SLC12A2: variants seen among roughly 807,000 people sequenced by gnomAD.
SLC12A2 encodes Na-K-2Cl cotransporter 1.
In SLC12A2, 67 loss-of-function variants were observed where a neutral mutation model predicts 136.3. The observed-to-expected ratio is 0.49, with a 90% CI of 0.40 to 0.60. The LOEUF is 0.60. Among genes scored for constraint, SLC12A2 ranks in the 20% least tolerant of loss-of-function variants. SLC12A2 has a pLI of 0.00. For missense variants in SLC12A2, 1,322 were observed against 1,534.7 expected (o/e 0.86, Z 2.32); for synonymous variants, 619 against 562.9 (o/e 1.10, Z -1.41).
rs200976095 is a variant in SLC12A2 at position 128,150,060 on chromosome 5, A to G, written c.2069A>G (p.Asn690Ser). 6 of 1,609,494 alleles carry G rather than the reference A, an allele frequency of 3.7e-6. No homozygotes were observed. The highest frequency in any genetic ancestry group is 4.5e-5 in the East Asian group (2 of 44,750). Residue 690 changes from asparagine (N) to serine (S), a missense_variant, in exon 13 of 27, where the codon AAT becomes AGT. Asn to Ser is a conservative substitution (Grantham distance 46). Transcript: ENST00000262461. Reference sequence around the variant, plus strand: ...TTCCTTGCATCATATGCATTGATCAATTTTTCAGTATTCCATGCATCACTT... The same window carrying G: ...TTCCTTGCATCATATGCATTGATCAGTTTTTCAGTATTCCATGCATCACTT... ...NFFLASYALI[N>S]FSVFHASLAK...
rs1389421098 is a variant in SLC12A2 at position 128,187,857 on chromosome 5, A to G, written c.*1226A>G. On this transcript the variant is annotated 3_prime_UTR_variant, in exon 27 of 27. Coordinates refer to ENST00000262461, the MANE Select transcript of SLC12A2 (RefSeq NM_001046.3). ...TAGTCTAGTAAAATTTTGACAGTGC[A>G]TATGTACTGTTACTAAAAGCTTTAT... 1 of 152,616 alleles carries G rather than the reference A, an allele frequency of 6.6e-6. No individual in the cohort carries two copies. Among genetic ancestry groups the G allele is most frequent in the Non-Finnish European group, 1.5e-5 (1 of 68,006 alleles). 9.5% of individuals were successfully genotyped at this position (152,616 alleles called of 1,614,324 possible).
rs528589397 is a variant in SLC12A2, at chr5:128,106,130, C to G, written c.757-6684C>G. Reference sequence around the variant, plus strand: ...ATGCTACTTTTTGAAAGATTATTTTCTGGAATAATACTAAATTTGGTCAGC... The same window carrying G: ...ATGCTACTTTTTGAAAGATTATTTTGTGGAATAATACTAAATTTGGTCAGC... On this transcript the variant is annotated intron_variant, in intron 1 of 26. Transcript: ENST00000262461. Among the ~76,000 whole-genome samples the G allele has an allele frequency of 3.9e-5, 6 of 152,144 alleles. 1 individual carries two copies. In the South Asian group the frequency reaches 1.2e-3, roughly 32 times the overall value.
intron 3 of SLC12A2, 87 bp downstream of exon 3, chr5:128,114,374 A>G (rs538851061): frequency 1.9e-6 from 2 of 1,038,554 alleles, no homozygotes; most frequent in Admixed American, 2.1e-5. Context: ...AAGAAATTAG[A>G]GTCATTTTTA....
chr5:128,104,268 C>A (rs1015897511), intron 1 of SLC12A2, among the ~76,000 whole-genome samples: 1 of 152,120 alleles, frequency 6.6e-6, no homozygotes, highest in African/African-American at 2.4e-5. Flanking sequence ...CCCTCTCTAC[C>A]AGAATAGCCT....
At chr5:128,089,385 C>T (rs991880435) in intron 1 of SLC12A2, among the ~76,000 whole-genome samples, 12 of 151,994 alleles carry the variant, frequency 7.9e-5, no homozygotes, top group Non-Finnish European at 1.5e-4. Flanking sequence ...GGCAAAACAG[C>T]AAGACCCTGT....
At position 128,177,798 on chromosome 5, in the gene SLC12A2, G is replaced by T. The variant is rs563941919; in HGVS notation, c.2977+646G>T. Reference sequence around the variant, plus strand: ...TTCTGCTTTTAAAATTTTGGTGTAGGAGTTTCATGATAGTCATTTGCTTGC... The same window carrying T: ...TTCTGCTTTTAAAATTTTGGTGTAGTAGTTTCATGATAGTCATTTGCTTGC... On this transcript the variant is annotated intron_variant, in intron 21 of 26. Transcript: ENST00000262461. Among the ~76,000 whole-genome samples, 208 of 152,230 alleles carry T rather than the reference G, an allele frequency of 1.4e-3. 1 individual carries two copies. Among genetic ancestry groups the T allele is most frequent in the Non-Finnish European group, 2.3e-3 (153 of 67,994 alleles).
At chr5:128,183,494 T>C (rs1763773910) in intron 24 of SLC12A2, among the ~76,000 whole-genome samples, 1 of 151,964 alleles carries the variant, frequency 6.6e-6, no homozygotes, top group African/African-American at 2.4e-5. Context: ...ATTTGTAAGG[T>C]TGTAATCAGG....
Position 128,187,548 on chromosome 5 carries a change from CA to C in SLC12A2, c.*918del, listed in dbSNP as rs1763907119. 2.0e-5 allele frequency: 3 copies of C among 152,176 alleles called. No individual in the cohort carries two copies. In the South Asian group the frequency reaches 6.2e-4, roughly 32 times the overall value. 9.4% of individuals were successfully genotyped at this position (152,176 alleles called of 1,614,324 possible). ...GGAGGAAATTTAGACAAAACAATGT[CA>C]TTTAGTAGAATATTTCAGTATTTAA... On this transcript the variant is annotated 3_prime_UTR_variant, in exon 27 of 27. Transcript: ENST00000262461.
chr5:128,160,270 A>T (rs1762997339), intron 16 of SLC12A2, among the ~76,000 whole-genome samples: 1 of 152,126 alleles, frequency 6.6e-6, no homozygotes, highest in African/African-American at 2.4e-5. Context: ...GGATAGCATT[A>T]GGTGAAATAC....
chr5:128,129,951 T>C (rs1581093460), intron 4 of SLC12A2, among the ~76,000 whole-genome samples: 2 of 152,172 alleles, frequency 1.3e-5, no homozygotes, highest in African/African-American at 2.4e-5. Flanking sequence ...TTAATATCTT[T>C]GTTTATTCTG....
chr5:128,105,772 C>CT (rs1409059728), intron 1 of SLC12A2, among the ~76,000 whole-genome samples: 1 of 152,158 alleles, frequency 6.6e-6, no homozygotes, highest in African/African-American at 2.4e-5. Context: ...GAGTTTCCAT[C>CT]TTTTTTGTCT....
At chr5:128,113,678 A>AGTGTTTTAGAACATAG (rs1761240558) in intron 2 of SLC12A2, among the ~76,000 whole-genome samples, 1 of 152,188 alleles carries the variant, frequency 6.6e-6, no homozygotes, top group Non-Finnish European at 1.5e-5. Context: ...TTAGAAGACT[A>AGTGTTTTAGAACATAG]TGTTCTATGT....
Position 128,084,254 on chromosome 5 carries a change from GGCGGCGGCA to G in SLC12A2, c.309_317del (p.Ala105_Ala107del), listed in dbSNP as rs775523273. On this transcript the variant is annotated inframe_deletion, in exon 1 of 27. Coordinates refer to ENST00000262461, the MANE Select transcript of SLC12A2 (RefSeq NM_001046.3). The surrounding 1 kb of genome is among the most constrained non-coding windows in gnomAD (Gnocchi z 5.6). ...GGGCCGCTGCTGCGGCGGCGGCGGCGGCGGCGGCAGCGGCGGCGGCTGGTGCTGGGGCGG... is the reference window on the plus strand; with the variant it reads ...GGGCCGCTGCTGCGGCGGCGGCGGCGGCGGCGGCGGCTGGTGCTGGGGCGG... 5 of 1,238,118 alleles carry G rather than the reference GGCGGCGGCA, an allele frequency of 4.0e-6. No homozygotes were observed. Among genetic ancestry groups the G allele is most frequent in the Non-Finnish European group, 5.1e-6 (5 of 987,662 alleles). 76.7% of individuals were successfully genotyped at this position (1,238,118 alleles called of 1,614,324 possible).
intron 17 of SLC12A2, among the ~76,000 whole-genome samples, chr5:128,162,843 C>T (rs1274633641): frequency 6.6e-6 from 1 of 152,186 alleles, no homozygotes; most frequent in East Asian, 1.9e-4. Context: ...TGGCATAGAG[C>T]AAGCTGGTCC....
At chr5:128,171,224 C>T (rs1265098518) in intron 18 of SLC12A2, 1 of 153,260 alleles carries the variant, frequency 6.5e-6, no homozygotes, top group Non-Finnish European at 1.4e-5. Flanking sequence ...TCAGTCTTTT[C>T]AAAAAGAATT....
chr5:128,130,995 A>C, intron 4 of SLC12A2, 72 bp from the exon 5 acceptor site: 1 of 1,441,500 alleles, frequency 6.9e-7, no homozygotes, highest in African/African-American at 1.4e-5. Context: ...TTCATGTATA[A>C]TTAAAGGATA....
chr5:128,174,913 T>C (rs755034084), intron 20 of SLC12A2, among the ~76,000 whole-genome samples: 1 of 152,120 alleles, frequency 6.6e-6, no homozygotes, highest in Non-Finnish European at 1.5e-5. Flanking sequence ...TCTGTGTTTT[T>C]ATTTATAGTT....
Position 128,119,580 on chromosome 5 carries a change from T to C in SLC12A2, c.1048+4899T>C, listed in dbSNP as rs554027201. 1.8e-3 allele frequency among the ~76,000 whole-genome samples: 272 copies of C among 152,332 alleles called. 1 individual carries two copies. Among genetic ancestry groups the C allele is most frequent in the Non-Finnish European group, 2.9e-3 (200 of 68,022 alleles). ...GGCTCTGTTCTGTTCCATTGATCTA[T>C]ATCTCTGTTTTGGTACCAGTACCAT... On this transcript the variant is annotated intron_variant, in intron 4 of 26. Coordinates refer to ENST00000262461, the MANE Select transcript of SLC12A2 (RefSeq NM_001046.3).
At position 128,084,310 on chromosome 5, in the gene SLC12A2, A is replaced by G. The variant is rs375182518; in HGVS notation, c.356A>G (p.Asp119Gly). 42 of 1,526,432 alleles carry G rather than the reference A, an allele frequency of 2.8e-5. No individual in the cohort carries two copies. The highest frequency in any genetic ancestry group is 3.3e-5 in the Non-Finnish European group (38 of 1,142,794). 94.6% of individuals were successfully genotyped at this position (1,526,432 alleles called of 1,614,324 possible). ...AGAGAKQTPA[D>G]GEASGESEPA... ...GCGGGGGCCAAGCAGACCCCCGCGG[A>G]CGGGGAAGCCAGCGGCGAGAGCGAG... Residue 119 changes from aspartate (D) to glycine (G), a missense_variant, in exon 1 of 27, where the codon GAC becomes GGC. Coordinates refer to ENST00000262461, the MANE Select transcript of SLC12A2 (RefSeq NM_001046.3). This position sits in a 1 kb window ranked among gnomAD's most constrained non-coding sequence, Gnocchi z 5.6.
Sources: gnomAD v4.1 joint callset for allele counts (sites outside exome capture counted in the v4.1 genomes callset) on GRCh38, gnomAD v4.1.1 for gene constraint, Gnocchi (gnomAD v3.1) non-coding constraint, MANE v1.5 for transcripts, NCBI Gene and HGNC (gene_info 2026-07-23, HGNC 2026-07-21) for gene names.